The following PDE10A variants were observed in gnomAD, a reference collection of about 807,000 sequenced individuals.
PDE10A encodes the protein cAMP and cAMP-inhibited cGMP 3',5'-cyclic phosphodiesterase 10A.
In PDE10A, 39 loss-of-function variants were observed where a neutral mutation model predicts 97.7. The observed-to-expected ratio is 0.40, with a 90% CI of 0.31 to 0.52. PDE10A has a LOEUF of 0.52. Among genes scored for constraint, PDE10A ranks in the 20% least tolerant of loss-of-function variants. The probability of loss-of-function intolerance (pLI) is 0.56; values close to 1 mark genes in which losing one functional copy is unlikely to be tolerated. For missense variants in PDE10A, 731 were observed against 1,047.8 expected, an observed-to-expected ratio of 0.70 and a Z score of 4.17; for synonymous variants, 371 against 376.8, an observed-to-expected ratio of 0.98 and a Z score of 0.18.
At chr6:165,939,286 C>T (rs1783436530) in intron 1 of PDE10A, among the ~76,000 whole-genome samples, 1 of 152,176 alleles carries the variant, frequency 6.6e-6, no homozygotes, top group Admixed American at 6.5e-5. Context: ...GGGCGAGGGG[C>T]ACCTGCATGT....
chr6:165,965,131 T>C (rs912227243), intron 1 of PDE10A, among the ~76,000 whole-genome samples: 2 of 152,218 alleles, frequency 1.3e-5, no homozygotes, highest in African/African-American at 4.8e-5. Flanking sequence ...ATTTTAAACA[T>C]GTAAACCTGC....
chr6:165,910,003 A>G (rs568052431), intron 1 of PDE10A, among the ~76,000 whole-genome samples: 14 of 152,108 alleles, frequency 9.2e-5, no homozygotes, highest in Non-Finnish European at 2.1e-4. Flanking sequence ...TATTTTTTAA[A>G]ATGGATATAT....
intron 2 of PDE10A, among the ~76,000 whole-genome samples, chr6:165,496,188 C>T (rs1210835713): frequency 1.3e-5 from 2 of 152,132 alleles, no homozygotes; most frequent in Non-Finnish European, 2.9e-5. Flanking sequence ...TGCCATACTC[C>T]TGCCACCGAA....
At chr6:165,959,697 G>A (rs1784300226) in intron 1 of PDE10A, among the ~76,000 whole-genome samples, 1 of 152,138 alleles carries the variant, frequency 6.6e-6, no homozygotes, top group Non-Finnish European at 1.5e-5. Flanking sequence ...ACCCCCAGGG[G>A]AGGCTCTTCT....
At position 165,331,676 on chromosome 6, in the gene PDE10A, T is replaced by C. The variant is rs1326544775; in HGVS notation, c.*1349A>G. On this transcript the variant is annotated 3_prime_UTR_variant, in exon 22 of 22. Coordinates refer to ENST00000539869, the MANE Select transcript of PDE10A (RefSeq NM_001385079.1). ...CATTGCACTAAAAATCTTTAAATTA[T>C]TAAAATGCGCCAGAAGTGACTGCTT... The C allele has an allele frequency of 6.6e-6, 1 of 152,240 alleles. No individual in the cohort carries two copies. The highest frequency in any genetic ancestry group is 1.9e-4 in the East Asian group (1 of 5,208). 9.4% of individuals were successfully genotyped at this position (152,240 alleles called of 1,614,324 possible). A position where few individuals can be genotyped will look rare whatever the true frequency, so the allele number is the denominator to read the frequency against.
intron 16 of PDE10A, 35 bp downstream of exon 16, chr6:165,392,611 G>A (rs985826026): frequency 2.5e-6 from 4 of 1,591,386 alleles, no homozygotes; most frequent in Admixed American, 1.7e-5. Flanking sequence ...ATCCACTGAG[G>A]TTACGAGAAA....
chr6:165,627,814 T>C (rs974375688), intron 1 of PDE10A, among the ~76,000 whole-genome samples: 5 of 152,220 alleles, frequency 3.3e-5, no homozygotes, highest in Non-Finnish European at 7.3e-5. Flanking sequence ...AACAGGCAAC[T>C]GTACCTATCA....
rs554007149 is a variant in PDE10A, at chr6:165,501,109, C to T, written c.995-18766G>A. Among the ~76,000 whole-genome samples, 4 of 152,258 alleles carry T rather than the reference C, an allele frequency of 2.6e-5. No homozygotes were observed. The South Asian group carries it at 8.3e-4, about 32-fold the overall frequency. Reference sequence around the variant, plus strand: ...TCAGAGACCATTGCCGGCTCGGGTCCTCCACATGCTGAGCGCCGGTACCCT... The same window carrying T: ...TCAGAGACCATTGCCGGCTCGGGTCTTCCACATGCTGAGCGCCGGTACCCT... On this transcript the variant is annotated intron_variant, in intron 2 of 21. Transcript: ENST00000539869.
intron 1 of PDE10A, among the ~76,000 whole-genome samples, chr6:165,558,214 T>A (rs1784353380): frequency 6.6e-6 from 1 of 152,148 alleles, no homozygotes. Context: ...CAAATGTCCG[T>A]CAATGACAGA....
At chr6:165,465,264 G>T (rs140485178) in intron 3 of PDE10A, among the ~76,000 whole-genome samples, 1 of 152,198 alleles carries the variant, frequency 6.6e-6, no homozygotes, top group Non-Finnish European at 1.5e-5. Flanking sequence ...AGCTACACAG[G>T]TATAGGTGGA....
intron 1 of PDE10A, among the ~76,000 whole-genome samples, chr6:165,729,201 C>CAAAAAA (rs34154347): frequency 8.0e-6 from 1 of 125,464 alleles, no homozygotes. Flanking sequence ...GACTCCATCT[C>CAAAAAA]AAAAAAAAAA....
intron 1 of PDE10A, chr6:165,780,339 C>T (rs1302963206): frequency 6.6e-6 from 1 of 152,194 alleles, no homozygotes; most frequent in African/African-American, 2.4e-5. Context: ...CAATTATCTT[C>T]ACACCATATC....
intron 1 of PDE10A, among the ~76,000 whole-genome samples, chr6:165,919,974 C>T (rs1782711102): frequency 6.6e-6 from 1 of 152,136 alleles, no homozygotes; most frequent in South Asian, 2.1e-4. Flanking sequence ...ATGGCTTATG[C>T]CATTTCATAT....
At chr6:165,461,044 G>A (rs1439484460) in intron 3 of PDE10A, among the ~76,000 whole-genome samples, 1 of 152,142 alleles carries the variant, frequency 6.6e-6, no homozygotes, top group Non-Finnish European at 1.5e-5. Context: ...GGAACTGGAG[G>A]CTTTAGATAA....
intron 1 of PDE10A, among the ~76,000 whole-genome samples, chr6:165,585,893 C>G (rs969247349): frequency 1.3e-4 from 20 of 152,144 alleles, no homozygotes; most frequent in African/African-American, 4.3e-4. Flanking sequence ...CATCCAACAT[C>G]CCCCCCTTGC....
intron 3 of PDE10A, among the ~76,000 whole-genome samples, chr6:165,455,111 C>T (rs1777874682): frequency 6.6e-6 from 1 of 152,136 alleles, no homozygotes; most frequent in African/African-American, 2.4e-5. Flanking sequence ...TGGGGGACTA[C>T]TGGACGTCAG....
chr6:165,733,204 C>A (rs1187491751), intron 1 of PDE10A, among the ~76,000 whole-genome samples: 2 of 152,330 alleles, frequency 1.3e-5, no homozygotes, highest in East Asian at 3.9e-4. Flanking sequence ...ATGTTCCACC[C>A]AGACCTGAGA....
chr6:165,766,984 A>G (rs762891969), intron 1 of PDE10A, among the ~76,000 whole-genome samples: 2 of 152,224 alleles, frequency 1.3e-5, no homozygotes, highest in Non-Finnish European at 2.9e-5. Context: ...TTGTTTTATA[A>G]TTGAATTTTC....
intron 1 of PDE10A, among the ~76,000 whole-genome samples, chr6:165,835,656 T>A (rs1378826947): frequency 6.6e-6 from 1 of 151,726 alleles, no homozygotes; most frequent in Non-Finnish European, 1.5e-5. Context: ...GTTTCCGGGG[T>A]TGGTGTGAGA....
Sources: allele counts gnomAD v4.1 joint callset (sites outside exome capture counted in the v4.1 genomes callset), GRCh38; gene constraint gnomAD v4.1.1; transcripts MANE v1.5; gene names NCBI Gene and HGNC (gene_info 2026-07-23, HGNC 2026-07-21).